NPEPL1: variants seen among roughly 807,000 people sequenced by gnomAD.
NPEPL1 encodes probable aminopeptidase NPEPL1.
A neutral mutation model predicts 52.4 loss-of-function variants in NPEPL1; 45 were observed. The ratio of observed to expected loss-of-function variants is 0.86; its 90% confidence interval spans 0.68 to 1.10. NPEPL1 has a LOEUF of 1.10. Ranked by LOEUF, NPEPL1 falls within the 50% of genes least tolerant of loss-of-function variation. NPEPL1 has a pLI of 0.00. For synonymous variants in NPEPL1, 360 were observed against 314.7 expected (o/e 1.14, Z -1.52); for missense variants, 696 against 710.9 (o/e 0.98, Z 0.24).
chr20:58,694,740 G>A, intron 3 of NPEPL1, 148 bp downstream of exon 3: 2 of 861,254 alleles, frequency 2.3e-6, no homozygotes, highest in Non-Finnish European at 3.4e-6. Context: ...AAGCGGCAGA[G>A]GCTTTTCCAA....
rs536787675 is a variant in NPEPL1, at chr20:58,713,962, G to T, written c.1171G>T (p.Ala391Ser). The change falls in exon 10 of 12, where the codon GCT becomes TCT. Residue 391 changes from alanine to serine, a missense_variant. By Grantham distance (99) the Ala-to-Ser change is moderately conservative. Coordinates refer to ENST00000356091, the MANE Select transcript of NPEPL1 (RefSeq NM_024663.4). The surrounding 1 kb of genome is among the most constrained non-coding windows in gnomAD (Gnocchi z 4.6). ...KYHAAVLTNS[A>S]EWEAACVKAG... ...CCACGCCGCGGTGCTCACCAACAGC[G>T]CTGAGTGGGAGGCCGCCTGTGTGAA... 1 of 1,519,360 alleles carries T rather than the reference G, an allele frequency of 6.6e-7. No individual in the cohort carries two copies. The highest frequency in any genetic ancestry group is 8.8e-7 in the Non-Finnish European group (1 of 1,137,336). The allele number at this position is 1,519,360 out of a possible 1,614,324, so 94.1% of individuals were successfully genotyped here. A position where few individuals can be genotyped will look rare whatever the true frequency, so the allele number is the denominator to read the frequency against.
intron 7 of NPEPL1, 119 bp downstream of exon 7, chr20:58,707,319 G>T: frequency 5.3e-6 from 5 of 944,340 alleles, no homozygotes; most frequent in South Asian, 1.7e-5. Flanking sequence ...TCTCCCCAGC[G>T]GATGCTTGTC....
chr20:58,711,398 G>A (rs2123146155), intron 7 of NPEPL1: 1 of 152,698 alleles, frequency 6.5e-6, no homozygotes, highest in Admixed American at 6.5e-5. Flanking sequence ...GGGGTATCTG[G>A]GGAGGAGCTC....
rs776662643 is a variant in NPEPL1, at chr20:58,713,411, A to G, written c.1002-9A>G. 10 of 1,593,820 alleles carry G rather than the reference A, an allele frequency of 6.3e-6. No individual in the cohort carries two copies. In the Admixed American group the frequency reaches 1.4e-4, roughly 22 times the overall value. ...CCGTCCCTGAGCGGGGATCTCTACC[A>G]TGCCCCAGGACGGTGGAAATCAACA... On this transcript the variant is annotated splice_polypyrimidine_tract_variant and intron_variant, in intron 8 of 11. Transcript: ENST00000356091. This position sits in a 1 kb window ranked among gnomAD's most constrained non-coding sequence, Gnocchi z 4.6.
chr20:58,704,397 G>C, intron 6 of NPEPL1: 1 of 984,680 alleles, frequency 1.0e-6, no homozygotes, highest in Non-Finnish European at 1.2e-6. Context: ...CTCTTAACAA[G>C]TACCGACCCC....
At chr20:58,712,824 G>C in intron 8 of NPEPL1, 1 of 617,230 alleles carries the variant, frequency 1.6e-6, no homozygotes, top group Non-Finnish European at 3.0e-6. Flanking sequence ...GGAGCTCGTG[G>C]TCTACCCTGC....
intron 3 of NPEPL1, 140 bp from the exon 4 acceptor site, chr20:58,698,544 C>T (rs1033894032): frequency 7.0e-5 from 51 of 731,264 alleles, no homozygotes; most frequent in Middle Eastern, 6.9e-4. Context: ...AGCCATGGTC[C>T]CCCTCTCCCC....
Position 58,692,865 on chromosome 20 carries a change from G to C in NPEPL1, c.-36G>C, listed in dbSNP as rs1203889136. 2.0e-6 allele frequency: 2 copies of C among 1,001,414 alleles called. No individual in the cohort carries two copies. Among genetic ancestry groups the C allele is most frequent in the Admixed American group, 6.2e-5 (1 of 16,238 alleles). The allele number at this position is 1,001,414 out of a possible 1,614,324, so 62.0% of individuals were successfully genotyped here. A position where few individuals can be genotyped will look rare whatever the true frequency, so the allele number is the denominator to read the frequency against. The stretch of plus-strand genomic sequence containing the variant: ...AGGGGGCCGAGCGGCGGGCCGGGCC[G>C]GGCCGGGCAGGGCCGGGGCGTGGGC... On this transcript the variant is annotated 5_prime_UTR_variant, in exon 1 of 12. Transcript: ENST00000356091. The surrounding 1 kb of genome is among the most constrained non-coding windows in gnomAD (Gnocchi z 5.7).
intron 4 of NPEPL1, 122 bp downstream of exon 4, chr20:58,698,895 G>C (rs542150792): frequency 1.2e-5 from 10 of 820,496 alleles, no homozygotes; most frequent in Non-Finnish European, 1.7e-5. Flanking sequence ...CCTCAGGGCT[G>C]CCCTCGGCGG....
intron 3 of NPEPL1, among the ~76,000 whole-genome samples, chr20:58,696,719 G>A (rs1437757256): frequency 6.6e-6 from 1 of 152,258 alleles, no homozygotes; most frequent in African/African-American, 2.4e-5. Flanking sequence ...GCACATCTGG[G>A]TGTGTGCAAG....
rs1488824286 is a variant in NPEPL1, at chr20:58,692,946, G to T, written c.46G>T (p.Asp16Tyr). 4.3e-6 allele frequency: 5 copies of T among 1,166,622 alleles called. No individual in the cohort carries two copies. Among genetic ancestry groups the T allele is most frequent in the Non-Finnish European group, 5.4e-6 (5 of 929,826 alleles). The allele number at this position is 1,166,622 out of a possible 1,614,324, so 72.3% of individuals were successfully genotyped here. A position where few individuals can be genotyped will look rare whatever the true frequency, so the allele number is the denominator to read the frequency against. ...GTTCCAGGCGAGCGCGGGGGACTCG[G>T]ACCCACAGAGCCGGCCCCTGCTGCT... Reference protein sequence around the residue: ...LQFQASAGDSDPQSRPLLLLG... With the variant: ...LQFQASAGDSYPQSRPLLLLG... Residue 16 changes from aspartate to tyrosine, a missense_variant, in exon 1 of 12, where the codon GAC (aspartate) becomes TAC (tyrosine). Transcript: ENST00000356091. The surrounding 1 kb of genome is among the most constrained non-coding windows in gnomAD (Gnocchi z 5.7).
intron 1 of NPEPL1, 146 bp downstream of exon 1, chr20:58,693,196 C>T: frequency 5.9e-6 from 3 of 504,384 alleles, no homozygotes; most frequent in Non-Finnish European, 7.7e-6. Flanking sequence ...AGGGCTCAGC[C>T]GCCAGGCCAG....
At chr20:58,714,990 T>C (rs986452453) in intron 11 of NPEPL1, 178 bp from the exon 12 acceptor site, 1 of 736,490 alleles carries the variant, frequency 1.4e-6, no homozygotes, top group Non-Finnish European at 2.2e-6. Flanking sequence ...CTGCCAGCCC[T>C]GAACGTGTCC....
chr20:58,708,463 C>T (rs932869595), intron 7 of NPEPL1, among the ~76,000 whole-genome samples: 2 of 151,838 alleles, frequency 1.3e-5, no homozygotes, highest in African/African-American at 2.4e-5. Context: ...TTAGGGCTCA[C>T]GGCTGTTTCT....
intron 8 of NPEPL1, 191 bp downstream of exon 8, chr20:58,712,770 G>T (rs1464862463): frequency 1.5e-6 from 1 of 683,268 alleles, no homozygotes. Flanking sequence ...AGGGGCCCAT[G>T]GCACCTGGAT....
chr20:58,703,893 G>T, intron 6 of NPEPL1: 1 of 985,356 alleles, frequency 1.0e-6, no homozygotes, highest in Non-Finnish European at 1.2e-6. Flanking sequence ...TATAGCCCCT[G>T]CCTATTCCCG....
Position 58,693,725 on chromosome 20 carries a change from C to A in NPEPL1, c.151-12C>A. ...TGAAGCCTCTGTGTCTTGTCTCTCC[C>A]TTCTGATCTAGCTCTGGCAGGCTGC... On this transcript the variant is annotated splice_polypyrimidine_tract_variant and intron_variant, in intron 1 of 11. Coordinates refer to ENST00000356091, the MANE Select transcript of NPEPL1 (RefSeq NM_024663.4). 6.3e-7 allele frequency: 1 copy of A among 1,593,610 alleles called. No homozygotes were observed. The highest frequency in any genetic ancestry group is 8.6e-7 in the Non-Finnish European group (1 of 1,164,772).
chr20:58,714,774 G>C (rs953418482), intron 11 of NPEPL1, 104 bp downstream of exon 11: 36 of 908,640 alleles, frequency 4.0e-5, no homozygotes, highest in Middle Eastern at 4.7e-4. Flanking sequence ...AGAAACTTCT[G>C]TCTGTGACCC....
At chr20:58,691,781 G>GT, upstream of NPEPL1, 2 of 1,543,848 alleles carry the variant, frequency 1.3e-6, no homozygotes, top group Non-Finnish European at 1.7e-6. Context: ...CTACATGGAG[G>GT]TAACAGAGGA....
Sources: allele counts gnomAD v4.1 joint callset (sites outside exome capture counted in the v4.1 genomes callset), GRCh38; gene constraint gnomAD v4.1.1; non-coding constraint Gnocchi (gnomAD v3.1); transcripts MANE v1.5; gene names NCBI Gene and HGNC (gene_info 2026-07-23, HGNC 2026-07-21).